The following DLC1 variants were observed in gnomAD, a reference collection of about 807,000 sequenced individuals.
The protein encoded by DLC1 is DLC1 Rho GTPase activating protein.
Under a neutral mutation model 140.3 loss-of-function variants are expected in DLC1, and 54 were observed. That is an observed-to-expected ratio of 0.38 (90% confidence interval 0.31 to 0.48). The LOEUF is 0.48. Among genes scored for constraint, DLC1 ranks in the 20% least tolerant of loss-of-function variants. The probability of loss-of-function intolerance (pLI) is 0.96; values close to 1 mark genes in which losing one functional copy is unlikely to be tolerated. For missense variants in DLC1, 2,536 were observed against 1,907.0 expected, an observed-to-expected ratio of 1.33 and a Z score of -6.14; for synonymous variants, 986 against 728.1, an observed-to-expected ratio of 1.35 and a Z score of -5.70.
intron 4 of DLC1, among the ~76,000 whole-genome samples, chr8:13,343,578 C>G (rs12677202): frequency 0.31 from 47,120 of 152,058 alleles, 8,220 homozygotes; most frequent in Non-Finnish European, 0.4. Flanking sequence ...GTTTGTACAG[C>G]AGATATTGTT....
intron 2 of DLC1, among the ~76,000 whole-genome samples, chr8:13,476,647 G>C (rs143075324): frequency 1.1e-4 from 16 of 152,226 alleles, no homozygotes; most frequent in African/African-American, 3.9e-4. Flanking sequence ...TAAGATGTTA[G>C]AGTTATGAAA....
chr8:13,145,258 A>AG (rs1389118008), intron 5 of DLC1, among the ~76,000 whole-genome samples: 1 of 151,672 alleles, frequency 6.6e-6, no homozygotes, highest in Non-Finnish European at 1.5e-5. Flanking sequence ...CACCCAGTTC[A>AG]GAAAAAGCAC....
At chr8:13,154,593 C>T (rs936410809) in intron 5 of DLC1, among the ~76,000 whole-genome samples, 11 of 152,328 alleles carry the variant, frequency 7.2e-5, no homozygotes, top group South Asian at 2.1e-4. Flanking sequence ...CCACACCTCC[C>T]GGCAAGCAGA....
intron 5 of DLC1, among the ~76,000 whole-genome samples, chr8:13,290,873 C>G (rs1055699708): frequency 1.3e-5 from 2 of 152,130 alleles, no homozygotes; most frequent in African/African-American, 4.8e-5. Context: ...AGATGCGTAG[C>G]TTGGTAGAGT....
At chr8:13,433,237 A>G (rs560695751) in intron 2 of DLC1, among the ~76,000 whole-genome samples, 5 of 152,116 alleles carry the variant, frequency 3.3e-5, no homozygotes, top group Admixed American at 6.5e-5. Context: ...TTTTTGACCC[A>G]TGACTCTAGT....
At chr8:13,095,511 G>A (rs1818435814) in intron 10 of DLC1, 1 of 458,540 alleles carries the variant, frequency 2.2e-6, no homozygotes, top group African/African-American at 2.0e-5. Flanking sequence ...AGTTCTCCTG[G>A]ACAGTGCTGT....
At chr8:13,362,585 A>G (rs73203999) in intron 4 of DLC1, among the ~76,000 whole-genome samples, 19,779 of 151,854 alleles carry the variant, frequency 0.13, 1,436 homozygotes, top group Non-Finnish European at 0.16. Context: ...TTAATGGTCT[A>G]TTATCTAGTA....
chr8:13,456,168 A>T (rs1210229831), intron 2 of DLC1, among the ~76,000 whole-genome samples: 2 of 152,174 alleles, frequency 1.3e-5, no homozygotes, highest in Non-Finnish European at 2.9e-5. Flanking sequence ...GATCCCTAAT[A>T]ACTTCAGTTT....
rs557012468 is a variant in DLC1, at chr8:13,091,338, C to A, written c.3835G>T (p.Glu1279Ter). 1 of 1,613,912 alleles carries A rather than the reference C, an allele frequency of 6.2e-7. No individual in the cohort carries two copies. The highest frequency in any genetic ancestry group is 8.5e-7 in the Non-Finnish European group (1 of 1,180,006). Reference sequence around the variant, plus strand: ...CTTACCTGGAAAAGCTTCTTGCACTCGGCGATCATATGGGCCAGCCCTTGA... The same window carrying A: ...CTTACCTGGAAAAGCTTCTTGCACTAGGCGATCATATGGGCCAGCCCTTGA... ...ATQGLAHMIA[E>*]CKKLFQVPEE... The change falls in exon 14 of 18, where the codon GAG (glutamate) becomes TAG (stop). Residue 1279 changes from glutamate to a stop codon, truncating the protein, a stop_gained. Coordinates refer to ENST00000276297, the MANE Select transcript of DLC1 (RefSeq NM_182643.3). LOFTEE classifies it high-confidence loss of function.
intron 1 of DLC1, among the ~76,000 whole-genome samples, chr8:13,522,767 G>A (rs377100889): frequency 2.0e-5 from 3 of 152,226 alleles, no homozygotes; most frequent in African/African-American, 7.2e-5. Context: ...TGAGGATTGA[G>A]GGGCAATCAT....
chr8:13,100,623 G>T lies in DLC1; in HGVS notation c.1714C>A (p.Pro572Thr). 4 of 1,614,078 alleles carry T rather than the reference G, an allele frequency of 2.5e-6. No individual in the cohort carries two copies. Among genetic ancestry groups the T allele is most frequent in the African/African-American group, 1.3e-5 (1 of 75,056 alleles). Reference sequence around the variant, plus strand: ...CCTCCGGGGCTGGGGCCGTCCTTCGGGTGGGAGTCGTCTGGGGACCCAGGG... The same window carrying T: ...CCTCCGGGGCTGGGGCCGTCCTTCGTGTGGGAGTCGTCTGGGGACCCAGGG... ...LVPGSPDDSHPKDGPSPGGTL... is the reference protein window; with the variant it reads ...LVPGSPDDSHTKDGPSPGGTL... Residue 572 changes from proline (P) to threonine (T), a missense_variant, in exon 9 of 18, where the codon CCG (proline) becomes ACG (threonine). Transcript: ENST00000276297.
Position 13,499,416 on chromosome 8 carries a change from A to G in DLC1, c.656T>C (p.Ile219Thr). Reference protein sequence around the residue: ...NAVDTLNVKDIAPEKQLLNSA... With the variant: ...NAVDTLNVKDTAPEKQLLNSA... The stretch of plus-strand genomic sequence containing the variant: ...GTTAAGCAATTGTTTCTCAGGTGCA[A>G]TATCTTTCACGTTCAAAGTATCCAC... Residue 219 changes from isoleucine (I) to threonine (T), a missense_variant, in exon 2 of 18, where the codon ATT becomes ACT. Coordinates refer to ENST00000276297, the MANE Select transcript of DLC1 (RefSeq NM_182643.3). The G allele has an allele frequency of 1.9e-6, 3 of 1,613,816 alleles. No individual in the cohort carries two copies. Among genetic ancestry groups the G allele is most frequent in the Middle Eastern group, 1.6e-4 (1 of 6,062 alleles).
chr8:13,381,352 G>T (rs766763024), intron 4 of DLC1, among the ~76,000 whole-genome samples: 5 of 152,142 alleles, frequency 3.3e-5, no homozygotes, highest in African/African-American at 1.2e-4. Flanking sequence ...GAGGTGCAAA[G>T]GCCACGTTAA....
chr8:13,323,947 C>T (rs560824605), intron 4 of DLC1, among the ~76,000 whole-genome samples: 2 of 152,262 alleles, frequency 1.3e-5, no homozygotes, highest in South Asian at 2.1e-4. Context: ...AAGTGGTTTA[C>T]GAATTACGTG....
chr8:13,087,040 T>C (rs1706544407), intron 16 of DLC1, among the ~76,000 whole-genome samples: 1 of 152,210 alleles, frequency 6.6e-6, no homozygotes, highest in African/African-American at 2.4e-5. Flanking sequence ...GGCTTGAGGC[T>C]GCACATTTGC....
chr8:13,117,384 G>A (rs889999450), intron 5 of DLC1, among the ~76,000 whole-genome samples: 1 of 151,990 alleles, frequency 6.6e-6, no homozygotes, highest in Non-Finnish European at 1.5e-5. Context: ...AGGCTGAGGT[G>A]GGAGGATTGC....
intron 1 of DLC1, among the ~76,000 whole-genome samples, chr8:13,596,692 T>G (rs2117487321): frequency 6.6e-6 from 1 of 152,032 alleles, no homozygotes. Flanking sequence ...CTTTATAAAT[T>G]TTCCTAGGAA....
At chr8:13,248,320 A>C (rs17127653) in intron 5 of DLC1, among the ~76,000 whole-genome samples, 27,709 of 152,108 alleles carry the variant, frequency 0.18, 2,751 homozygotes, top group African/African-American at 0.26. Context: ...CCCCTTAGCA[A>C]ACCTCTTTTC....
At chr8:13,596,105 A>G (rs1339287213) in intron 1 of DLC1, among the ~76,000 whole-genome samples, 1 of 152,082 alleles carries the variant, frequency 6.6e-6, no homozygotes, top group African/African-American at 2.4e-5. Context: ...TGAGATGAAA[A>G]TGATAAGAGT....
Sources: gnomAD v4.1 joint callset for allele counts (sites outside exome capture counted in the v4.1 genomes callset) on GRCh38, gnomAD v4.1.1 for gene constraint, MANE v1.5 for transcripts, NCBI Gene and HGNC (gene_info 2026-07-23, HGNC 2026-07-21) for gene names.